Variants in PHLDB2 observed in about 807,000 individuals in gnomAD.
PHLDB2 encodes pleckstrin homology like domain family B member 2.
A neutral mutation model predicts 123.6 loss-of-function variants in PHLDB2; 71 were observed. That is an observed-to-expected ratio of 0.57 (90% CI 0.47 to 0.70). The LOEUF (loss-of-function observed/expected upper bound fraction) is 0.70. Among genes scored for constraint, PHLDB2 ranks in the 30% least tolerant of loss-of-function variants. PHLDB2 has a pLI of 0.00. For missense variants in PHLDB2, 1,446 were observed against 1,519.5 expected (o/e 0.95, Z 0.80); for synonymous variants, 547 against 541.6 (o/e 1.01, Z -0.14).
intron 1 of PHLDB2, among the ~76,000 whole-genome samples, chr3:111,883,198 G>A (rs2066014424): frequency 6.6e-6 from 1 of 152,076 alleles, no homozygotes; most frequent in African/African-American, 2.4e-5. Context: ...CATTTTCATT[G>A]GCTAAAACTT....
chr3:111,939,013 G>A (rs1387985024), intron 6 of PHLDB2, among the ~76,000 whole-genome samples: 2 of 152,040 alleles, frequency 1.3e-5, no homozygotes, highest in Non-Finnish European at 1.5e-5. Context: ...TCACCATGTT[G>A]GCCAGGCTGG....
chr3:111,734,093 G>A (rs540145375), intron 1 of PHLDB2, among the ~76,000 whole-genome samples: 14 of 152,292 alleles, frequency 9.2e-5, no homozygotes, highest in African/African-American at 2.9e-4. Context: ...AAACCCTTGT[G>A]TGACTTTGGG....
intron 6 of PHLDB2, among the ~76,000 whole-genome samples, chr3:111,937,984 A>G (rs529434929): frequency 6.6e-6 from 1 of 152,266 alleles, no homozygotes; most frequent in South Asian, 2.1e-4. Context: ...AGGTTAGAGA[A>G]TGCTTTTTCT....
At chr3:111,858,339 A>C (rs1016092724), upstream of PHLDB2, among the ~76,000 whole-genome samples, 1 of 152,150 alleles carries the variant, frequency 6.6e-6, no homozygotes, top group African/African-American at 2.4e-5. Flanking sequence ...GCATTAGGAC[A>C]AATAACTAAT....
At chr3:111,875,603 A>G (rs1576965814) in intron 1 of PHLDB2, among the ~76,000 whole-genome samples, 1 of 151,774 alleles carries the variant, frequency 6.6e-6, no homozygotes. Context: ...CAGGCAGATC[A>G]CCTGAAGTCA....
At chr3:111,971,468 G>A (rs532920471) in intron 16 of PHLDB2, among the ~76,000 whole-genome samples, 2 of 151,802 alleles carry the variant, frequency 1.3e-5, no homozygotes, top group South Asian at 4.2e-4. Context: ...AACCTTCTTG[G>A]TATATGAAAA....
rs532314356 is a variant in PHLDB2, at chr3:111,737,517, A to G, written c.-49+4814A>G. Among the ~76,000 whole-genome samples, 5 of 152,310 alleles carry G rather than the reference A, an allele frequency of 3.3e-5. No homozygotes were observed. In the East Asian group the frequency reaches 9.7e-4, roughly 29 times the overall value. ...AGGTCAAGTTTCCCATGAGAGCAGT[A>G]AAGGAACTGAAGGTCACAAAATGCT... On this transcript the variant is annotated intron_variant, in intron 1 of 17. Transcript: ENST00000393923.
At chr3:111,806,371 A>G (rs897202927) in intron 1 of PHLDB2, among the ~76,000 whole-genome samples, 1 of 151,930 alleles carries the variant, frequency 6.6e-6, no homozygotes, top group African/African-American at 2.4e-5. Context: ...CTGTCTCTAT[A>G]GTTTTGCCTT....
chr3:111,812,756 T>C (rs1048036603), intron 1 of PHLDB2, among the ~76,000 whole-genome samples: 1 of 152,216 alleles, frequency 6.6e-6, no homozygotes, highest in African/African-American at 2.4e-5. Flanking sequence ...AGAAAGTTAA[T>C]GAATATAGCT....
At chr3:111,852,781 C>T (rs1559868313) in intron 2 of PHLDB2, among the ~76,000 whole-genome samples, 2 of 151,150 alleles carry the variant, frequency 1.3e-5, no homozygotes, top group Admixed American at 6.6e-5. Context: ...CACACACACA[C>T]ATACACACAC....
At chr3:111,898,370 AC>A (rs2066995564) in intron 2 of PHLDB2, among the ~76,000 whole-genome samples, 1 of 151,950 alleles carries the variant, frequency 6.6e-6, no homozygotes, top group Non-Finnish European at 1.5e-5. Flanking sequence ...TTTGGTAGAG[AC>A]ACGGTTTCAC....
rs2066065137 is a variant in PHLDB2 at position 111,884,097 on chromosome 3, T to C, written c.20T>C (p.Ile7Thr). ...AAGATTATGGAAGAGCATAGCTACA[T>C]ACAAAAGGAGCTAGATTTACAAAAT... MEEHSY[I>T]QKELDLQNGS... The change falls in exon 2 of 18, where the codon ATA becomes ACA. Residue 7 changes from isoleucine (I) to threonine (T), a missense_variant. Transcript: ENST00000431670. 1.2e-6 allele frequency: 2 copies of C among 1,613,852 alleles called. No individual in the cohort carries two copies. Among genetic ancestry groups the C allele is most frequent in the East Asian group, 4.5e-5 (2 of 44,888 alleles).
At position 111,925,166 on chromosome 3, in the gene PHLDB2, A is replaced by AT. The variant is rs561034088; in HGVS notation, c.2001+4754dup. 2.2e-4 allele frequency among the ~76,000 whole-genome samples: 34 copies of AT among 152,226 alleles called. No homozygotes were observed. In the South Asian group the frequency reaches 6.8e-3, roughly 31 times the overall value. The stretch of plus-strand genomic sequence containing the variant: ...ATCTTGATATGAAATTACTGATGTT[A>AT]TTTTTTTGGCTCTGAAGATTGGTCT... On this transcript the variant is annotated intron_variant, in intron 5 of 17. Coordinates refer to ENST00000431670, the MANE Select transcript of PHLDB2 (RefSeq NM_001134438.2).
chr3:111,749,056 G>A (rs915806341), intron 1 of PHLDB2, among the ~76,000 whole-genome samples: 3 of 150,222 alleles, frequency 2.0e-5, no homozygotes, highest in Non-Finnish European at 4.4e-5. Context: ...TTACCTATGA[G>A]CCTTTTTCAT....
intron 13 of PHLDB2, among the ~76,000 whole-genome samples, chr3:111,965,642 A>G (rs1019278930): frequency 6.6e-6 from 1 of 152,196 alleles, no homozygotes; most frequent in Non-Finnish European, 1.5e-5. Flanking sequence ...GTCTGTCTGT[A>G]TGTCCTCAAG....
At chr3:111,802,217 CT>C in intron 1 of PHLDB2, among the ~76,000 whole-genome samples, 1 of 152,232 alleles carries the variant, frequency 6.6e-6, no homozygotes. Flanking sequence ...ATCTCTATGG[CT>C]CCATGGAGCA....
intron 1 of PHLDB2, among the ~76,000 whole-genome samples, chr3:111,829,037 G>GT (rs1174285300): frequency 6.6e-6 from 1 of 152,100 alleles, no homozygotes; most frequent in Admixed American, 6.6e-5. Flanking sequence ...TGTTGACAAT[G>GT]TTTTTTCTAA....
intron 6 of PHLDB2, among the ~76,000 whole-genome samples, chr3:111,932,869 G>T (rs753135635): frequency 6.6e-6 from 1 of 152,004 alleles, no homozygotes; most frequent in South Asian, 2.1e-4. Flanking sequence ...CTTTCTGCTG[G>T]TTAGTGACAT....
chr3:111,931,638 G>C (rs2069155020), intron 5 of PHLDB2, among the ~76,000 whole-genome samples: 1 of 152,102 alleles, frequency 6.6e-6, no homozygotes, highest in African/African-American at 2.4e-5. Flanking sequence ...TGCTTTGTCT[G>C]TCTTGCATTT....
Sources: allele counts gnomAD v4.1 joint callset (sites outside exome capture counted in the v4.1 genomes callset), GRCh38; gene constraint gnomAD v4.1.1; transcripts MANE v1.5; gene names NCBI Gene and HGNC (gene_info 2026-07-23, HGNC 2026-07-21).